HAUS6: variants seen among roughly 807,000 people sequenced by gnomAD.
HAUS6 encodes HAUS augmin-like complex subunit 6.
Under a neutral mutation model 106.8 loss-of-function variants are expected in HAUS6, and 80 were observed. The observed-to-expected ratio is 0.75, with a 90% CI of 0.63 to 0.90. HAUS6 has a LOEUF of 0.90. Ranked by LOEUF, HAUS6 falls within the 40% of genes least tolerant of loss-of-function variation. The pLI is 0.00. For missense variants in HAUS6, 1,155 were observed against 1,118.1 expected (o/e 1.03, Z -0.47); for synonymous variants, 356 against 379.1 (o/e 0.94, Z 0.71).
At chr9:19,073,371 C>CA (rs1462178476) in intron 11 of HAUS6, among the ~76,000 whole-genome samples, 3 of 149,930 alleles carry the variant, frequency 2.0e-5, no homozygotes, top group Non-Finnish European at 3.0e-5. Context: ...TGTTTTACCA[C>CA]AAAAAATATA....
At chr9:19,092,117 A>C (rs989620686) in intron 4 of HAUS6, among the ~76,000 whole-genome samples, 4 of 152,154 alleles carry the variant, frequency 2.6e-5, no homozygotes, top group Non-Finnish European at 5.9e-5. Flanking sequence ...ATACGATGCT[A>C]ATAAGCCTTT....
At chr9:19,065,935 ATTTT>A (rs562370544) in intron 12 of HAUS6, among the ~76,000 whole-genome samples, 2 of 139,966 alleles carry the variant, frequency 1.4e-5, no homozygotes, top group Non-Finnish European at 1.6e-5. Context: ...ACAGCCAAAA[ATTTT>A]TTTTTTTTTT....
intron 11 of HAUS6, among the ~76,000 whole-genome samples, chr9:19,074,321 T>C (rs755388719): frequency 1.2e-4 from 19 of 152,188 alleles, no homozygotes; most frequent in East Asian, 1.9e-4. Context: ...GGCTAGAGCA[T>C]TGTGCAGTGG....
intron 9 of HAUS6, among the ~76,000 whole-genome samples, chr9:19,080,236 A>C (rs189023589): frequency 2.0e-5 from 3 of 152,068 alleles, no homozygotes; most frequent in African/African-American, 7.2e-5. Flanking sequence ...CAACAAAAGA[A>C]AACTACAGAA....
chr9:19,074,929 C>G (rs1219579322), intron 11 of HAUS6, among the ~76,000 whole-genome samples: 1 of 152,066 alleles, frequency 6.6e-6, no homozygotes, highest in Non-Finnish European at 1.5e-5. Context: ...CCACAAAAAA[C>G]CTGTACAGAA....
intron 2 of HAUS6, among the ~76,000 whole-genome samples, chr9:19,096,381 A>G (rs1302024712): frequency 2.0e-5 from 3 of 152,074 alleles, no homozygotes; most frequent in African/African-American, 7.2e-5. Flanking sequence ...CCTGACCAAC[A>G]GGGTGAAACC....
chr9:19,091,069 G>A (rs1353672168), intron 4 of HAUS6, among the ~76,000 whole-genome samples: 2 of 152,126 alleles, frequency 1.3e-5, no homozygotes, highest in Admixed American at 6.5e-5. Context: ...GGGAGGCCGA[G>A]GCGGGTGGAT....
chr9:19,071,486 C>T (rs1319556783), intron 11 of HAUS6, among the ~76,000 whole-genome samples: 1 of 151,754 alleles, frequency 6.6e-6, no homozygotes, highest in East Asian at 1.9e-4. Context: ...TAAATAAGCA[C>T]ACACAAATCC....
In HAUS6 at chr9:19,087,141, C is replaced by G. The variant is rs1837316576; in HGVS notation, c.600G>C (p.Gln200His). The change falls in exon 6 of 17, where the codon CAG becomes CAC. Residue 200 changes from glutamine (Q) to histidine (H), a missense_variant. By Grantham distance (24) the Gln-to-His change is conservative. Around this residue, in one of 3 missense-constraint regions of HAUS6, gnomAD observed 761 missense variants for 690.0 expected, o/e 1.10. Coordinates refer to ENST00000380502, the MANE Select transcript of HAUS6 (RefSeq NM_017645.5). ...TACATTCAGATCTCAAGTTTCGTAC[C>G]TGCTTAACTGATAATCTGCAAGAAA... ...YQENAQLSVK[Q>H]VRNLRSECIG... 1.3e-6 allele frequency: 2 copies of G among 1,509,944 alleles called. No individual in the cohort carries two copies. Among genetic ancestry groups the G allele is most frequent in the Non-Finnish European group, 9.2e-7 (1 of 1,085,920 alleles). The allele number at this position is 1,509,944 out of a possible 1,614,324, so 93.5% of individuals were successfully genotyped here.
chr9:19,074,237 T>A (rs1836941055), intron 11 of HAUS6, among the ~76,000 whole-genome samples: 1 of 152,012 alleles, frequency 6.6e-6, no homozygotes, highest in Non-Finnish European at 1.5e-5. Context: ...ACAGTGAGAT[T>A]CTGTCTCAAA....
At chr9:19,088,632 C>T (rs1217122209) in intron 5 of HAUS6, among the ~76,000 whole-genome samples, 1 of 151,606 alleles carries the variant, frequency 6.6e-6, no homozygotes, top group African/African-American at 2.4e-5. Context: ...CTTTGGGAGG[C>T]CAAGGCAGGC....
Position 19,053,582 on chromosome 9 carries a change from G to C in HAUS6, c.*2761C>G, listed in dbSNP as rs1389295904. ...TTTTTCATGTTTAGCAACATTACATGGTTGTCCTCTTTAAACATTTAAAAT... is the reference window on the plus strand; with the variant it reads ...TTTTTCATGTTTAGCAACATTACATCGTTGTCCTCTTTAAACATTTAAAAT... On this transcript the variant is annotated 3_prime_UTR_variant, in exon 17 of 17. Coordinates refer to ENST00000380502, the MANE Select transcript of HAUS6 (RefSeq NM_017645.5). The C allele has an allele frequency of 1.3e-5, 2 of 152,064 alleles. No individual in the cohort carries two copies. The highest frequency in any genetic ancestry group is 2.9e-5 in the Non-Finnish European group (2 of 67,984). 9.4% of individuals were successfully genotyped at this position (152,064 alleles called of 1,614,324 possible).
At chr9:19,084,201 T>A (rs1034771067) in intron 7 of HAUS6, among the ~76,000 whole-genome samples, 2 of 152,164 alleles carry the variant, frequency 1.3e-5, no homozygotes, top group African/African-American at 4.8e-5. Flanking sequence ...ATAAACATAC[T>A]ACAATTACAC....
Position 19,093,167 on chromosome 9 carries a change from T to A in HAUS6, c.436+4A>T. The A allele has an allele frequency of 6.6e-7, 1 of 1,520,616 alleles. No homozygotes were observed. The highest frequency in any genetic ancestry group is 8.9e-7 in the Non-Finnish European group (1 of 1,120,154). The allele number at this position is 1,520,616 out of a possible 1,614,324, so 94.2% of individuals were successfully genotyped here. A position where few individuals can be genotyped will look rare whatever the true frequency, so the allele number is the denominator to read the frequency against. ...ACAAAAAATCTTTTATAAGTTGAACTTACTTTTAGAATTGGATTTAATATA... is the reference window on the plus strand; with the variant it reads ...ACAAAAAATCTTTTATAAGTTGAACATACTTTTAGAATTGGATTTAATATA... On this transcript the variant is annotated splice_donor_region_variant and intron_variant, in intron 4 of 16. Coordinates refer to ENST00000380502, the MANE Select transcript of HAUS6 (RefSeq NM_017645.5).
Position 19,101,040 on chromosome 9 carries a change from A to G in HAUS6, c.128+1484T>C, listed in dbSNP as rs147307428. On this transcript the variant is annotated intron_variant, in intron 1 of 16. Coordinates refer to ENST00000380502, the MANE Select transcript of HAUS6 (RefSeq NM_017645.5). ...TGTTCAATAGTACATAAGTGAAACT[A>G]TAGTTAAAAATAATTTATTGTGTAT... is the stretch of plus-strand genomic sequence containing the variant. Among the ~76,000 whole-genome samples the G allele has an allele frequency of 4.9e-3, 752 of 152,368 alleles. 2 individuals are homozygous for G. The highest frequency in any genetic ancestry group is 9.0e-3 in the Non-Finnish European group (611 of 68,034).
intron 9 of HAUS6, among the ~76,000 whole-genome samples, chr9:19,080,170 G>C (rs1303086749): frequency 1.2e-5 from 1 of 80,532 alleles, no homozygotes; most frequent in African/African-American, 6.7e-5. Flanking sequence ...GCGAAACTCC[G>C]TCTCAAAAAA....
chr9:19,057,926 A>G (rs1836509174), intron 16 of HAUS6, 35 bp downstream of exon 16: 1 of 1,279,322 alleles, frequency 7.8e-7, no homozygotes, highest in African/African-American at 1.5e-5. Context: ...GAAAACTTCA[A>G]CAGGTGAATA....
Position 19,094,527 on chromosome 9 carries a change from C to T in HAUS6, c.225-132G>A, listed in dbSNP as rs955056742. 7 of 608,108 alleles carry T rather than the reference C, an allele frequency of 1.2e-5. No individual in the cohort carries two copies. The Admixed American group carries it at 1.9e-4, about 17-fold the overall frequency. The allele number at this position is 608,108 out of a possible 1,614,324, so 37.7% of individuals were successfully genotyped here. On this transcript the variant is annotated intron_variant, in intron 2 of 16. Coordinates refer to ENST00000380502, the MANE Select transcript of HAUS6 (RefSeq NM_017645.5). ...TAATGCATGGCCAAGCGCGGTGGCT[C>T]ACACTTTTAATCCCAGCACTTTGGA...
intron 7 of HAUS6, 96 bp downstream of exon 7, chr9:19,086,638 G>C (rs1221556540): frequency 4.0e-6 from 2 of 501,002 alleles, no homozygotes; most frequent in Non-Finnish European, 7.1e-6. Context: ...AAAAAAAAAA[G>C]TGGTAAATAG....
Sources: allele counts gnomAD v4.1 joint callset (sites outside exome capture counted in the v4.1 genomes callset), GRCh38; gene constraint gnomAD v4.1.1; regional missense constraint gnomAD v4.1.1; transcripts MANE v1.5; gene names NCBI Gene and HGNC (gene_info 2026-07-23, HGNC 2026-07-21).